The following FMNL2 variants were observed in gnomAD, a reference collection of about 807,000 sequenced individuals.
FMNL2 encodes the protein formin-like protein 2.
FMNL2 carries 51 observed loss-of-function variants against 130.2 expected under a neutral mutation model. That is an observed-to-expected ratio of 0.39 (90% CI 0.31 to 0.49). FMNL2 has a LOEUF of 0.49. FMNL2 is among the 20% of genes least tolerant of loss of function. FMNL2 has a pLI of 0.85. For synonymous variants in FMNL2, 465 were observed against 467.1 expected, an observed-to-expected ratio of 1.00 and a Z score of 0.06; for missense variants, 977 against 1,316.2, an observed-to-expected ratio of 0.74 and a Z score of 3.99.
intron 16 of FMNL2, 31 bp from the exon 17 acceptor site, chr2:152,626,494 A>G (rs1359635894): frequency 6.5e-7 from 1 of 1,541,678 alleles, no homozygotes. Flanking sequence ...AATATAATCC[A>G]ATTTTCCATG....
chr2:152,415,269 G>A (rs192388446), intron 1 of FMNL2, among the ~76,000 whole-genome samples: 11 of 152,180 alleles, frequency 7.2e-5, no homozygotes, highest in African/African-American at 2.4e-4. Flanking sequence ...TTCTTGGCTC[G>A]GAGACAGCAT....
At chr2:152,533,774 A>G (rs1210441792) in intron 2 of FMNL2, among the ~76,000 whole-genome samples, 3 of 152,230 alleles carry the variant, frequency 2.0e-5, no homozygotes, top group African/African-American at 7.2e-5. Context: ...GGTGTTTTTA[A>G]TATCTTGCAG....
chr2:152,379,645 C>T (rs546599336), intron 1 of FMNL2, among the ~76,000 whole-genome samples: 1 of 152,216 alleles, frequency 6.6e-6, no homozygotes, highest in Admixed American at 6.5e-5. Flanking sequence ...ACAAGCTGCT[C>T]AACATGAAGA....
intron 9 of FMNL2, among the ~76,000 whole-genome samples, chr2:152,595,521 G>A (rs1330202770): frequency 6.6e-6 from 1 of 152,130 alleles, no homozygotes; most frequent in Non-Finnish European, 1.5e-5. Context: ...GTTTTGCCAT[G>A]TTGGCCAGGC....
intron 7 of FMNL2, 186 bp from the exon 8 acceptor site, chr2:152,578,702 C>A (rs1041222913): frequency 2.0e-5 from 9 of 439,458 alleles, no homozygotes; most frequent in African/African-American, 1.9e-4. Context: ...TTGCATCTGG[C>A]ATTCTTGAAA....
intron 1 of FMNL2, among the ~76,000 whole-genome samples, chr2:152,441,063 T>C (rs6737699): frequency 0.87 from 132,881 of 152,288 alleles, 58,214 homozygotes; most frequent in Admixed American, 0.92. Flanking sequence ...TTGTAGACCA[T>C]GTAATATGTG....
At chr2:152,645,519 A>G in intron 25 of FMNL2, 5 of 1,289,894 alleles carry the variant, frequency 3.9e-6, no homozygotes, top group Non-Finnish European at 5.1e-6. Flanking sequence ...TGGAGGATAC[A>G]CAGAGCTGGC....
rs183657502 is a variant in FMNL2 at position 152,426,331 on chromosome 2, T to C, written c.117+90611T>C. Reference sequence around the variant, plus strand: ...ATTTAGAAGACCTTTTAAGCACTGGTAGCAGCCTAGACAAGCAGCCGGTAG... The same window carrying C: ...ATTTAGAAGACCTTTTAAGCACTGGCAGCAGCCTAGACAAGCAGCCGGTAG... On this transcript the variant is annotated intron_variant, in intron 1 of 25. Coordinates refer to ENST00000288670, the MANE Select transcript of FMNL2 (RefSeq NM_052905.4). Among the ~76,000 whole-genome samples the C allele has an allele frequency of 4.6e-3, 695 of 152,332 alleles. 5 individuals carry two copies. The highest frequency in any genetic ancestry group is 0.016 in the African/African-American group (657 of 41,568).
chr2:152,647,882 A>G lies in FMNL2; in HGVS notation c.3256A>G (p.Asn1086Asp), dbSNP rs1683753128. Residue 1086 changes from asparagine to aspartate, a missense_variant, in exon 26 of 26, where the codon AAT (asparagine) becomes GAT (aspartate). Asn to Asp is a conservative substitution (Grantham distance 23). Around this residue, in one of 4 missense-constraint regions of FMNL2, gnomAD observed 168 missense variants for 168.8 expected, o/e 1.00. Coordinates refer to ENST00000288670, the MANE Select transcript of FMNL2 (RefSeq NM_052905.4). ...TGATGATCAGAACTTGCGTTCTGTT[A>G]ATGGTGCCGAAATAACAATGTGAAC... is the stretch of plus-strand genomic sequence containing the variant. ...RFDDQNLRSV[N>D]GAEITM 1.2e-6 allele frequency: 2 copies of G among 1,613,532 alleles called. No homozygotes were observed. The highest frequency in any genetic ancestry group is 1.7e-6 in the Non-Finnish European group (2 of 1,179,634).
chr2:152,514,269 T>A (rs1010472934), intron 1 of FMNL2, among the ~76,000 whole-genome samples: 3 of 152,136 alleles, frequency 2.0e-5, no homozygotes, highest in Non-Finnish European at 4.4e-5. Context: ...TTGAAGACTT[T>A]TCCTAGATAT....
chr2:152,555,525 A>T (rs1338474852), intron 4 of FMNL2, among the ~76,000 whole-genome samples: 2 of 152,238 alleles, frequency 1.3e-5, no homozygotes, highest in Non-Finnish European at 2.9e-5. Flanking sequence ...ATAAGGTTCT[A>T]AGATTTGGGG....
At chr2:152,625,621 G>C (rs1681733663) in intron 16 of FMNL2, 59 bp downstream of exon 16, 1 of 1,542,264 alleles carries the variant, frequency 6.5e-7, no homozygotes, top group Non-Finnish European at 8.8e-7. Flanking sequence ...GCCGGCATGG[G>C]TGTTCTGTTA....
chr2:152,618,557 A>C (rs1451620331), intron 13 of FMNL2, among the ~76,000 whole-genome samples: 1 of 152,226 alleles, frequency 6.6e-6, no homozygotes, highest in African/African-American at 2.4e-5. Context: ...CAGAGTCAGC[A>C]TTCCGGGTCA....
intron 12 of FMNL2, 89 bp from the exon 13 acceptor site, chr2:152,617,002 C>A: frequency 9.2e-7 from 1 of 1,092,568 alleles, no homozygotes; most frequent in African/African-American, 1.6e-5. Context: ...GCCCTGGTCC[C>A]TAATAATCTT....
intron 6 of FMNL2, among the ~76,000 whole-genome samples, chr2:152,564,895 A>G (rs1157002564): frequency 1.4e-5 from 2 of 147,480 alleles, no homozygotes; most frequent in Non-Finnish European, 3.0e-5. Context: ...ATGTCATAAC[A>G]TACCCCTTGA....
In FMNL2 at chr2:152,365,165, C is replaced by G. The variant is rs187166511; in HGVS notation, c.117+29445C>G. 3.3e-3 allele frequency among the ~76,000 whole-genome samples: 502 copies of G among 152,236 alleles called. 2 individuals are homozygous for G. Among genetic ancestry groups the G allele is most frequent in the Non-Finnish European group, 5.7e-3 (390 of 68,024 alleles). The stretch of plus-strand genomic sequence containing the variant: ...AATGGGAGCCTAGAGGTGATACATG[C>G]TCTTTGGAGGCAGAGATTGACGAGG... On this transcript the variant is annotated intron_variant, in intron 1 of 25. Coordinates refer to ENST00000288670, the MANE Select transcript of FMNL2 (RefSeq NM_052905.4).
intron 1 of FMNL2, among the ~76,000 whole-genome samples, chr2:152,437,315 A>G (rs559505337): frequency 3.6e-4 from 55 of 152,292 alleles, no homozygotes; most frequent in Middle Eastern, 3.4e-3. Flanking sequence ...TGTACCTGAC[A>G]TGGAGCAAAT....
At chr2:152,461,525 A>G (rs1468005980) in intron 1 of FMNL2, among the ~76,000 whole-genome samples, 1 of 152,206 alleles carries the variant, frequency 6.6e-6, no homozygotes, top group African/African-American at 2.4e-5. Context: ...AGTTATACTT[A>G]AAAGTTTTTC....
intron 1 of FMNL2, among the ~76,000 whole-genome samples, chr2:152,464,537 C>T (rs943689435): frequency 2.6e-5 from 4 of 152,172 alleles, no homozygotes; most frequent in Non-Finnish European, 5.9e-5. Flanking sequence ...GCAGAGTACA[C>T]GTTCAAGATG....
Sources: gnomAD v4.1 joint callset for allele counts (sites outside exome capture counted in the v4.1 genomes callset) on GRCh38, gnomAD v4.1.1 for gene constraint, gnomAD v4.1.1 regional missense constraint, MANE v1.5 for transcripts, NCBI Gene and HGNC (gene_info 2026-07-23, HGNC 2026-07-21) for gene names.